The following TMEM232 variants were observed in gnomAD, a reference collection of about 807,000 sequenced individuals.
The protein encoded by TMEM232 is transmembrane protein 232.
TMEM232 carries 80 observed loss-of-function variants against 78.8 expected under a neutral mutation model. The observed-to-expected ratio is 1.01, with a 90% CI of 0.85 to 1.22. The LOEUF (loss-of-function observed/expected upper bound fraction) is 1.22. Among genes scored for constraint, TMEM232 ranks in the 50% most tolerant of loss-of-function variants. The pLI is 0.00. For missense variants in TMEM232, 881 were observed against 742.2 expected (o/e 1.19, Z -2.17); for synonymous variants, 297 against 254.3 (o/e 1.17, Z -1.60).
intron 12 of TMEM232, among the ~76,000 whole-genome samples, chr5:110,487,089 GT>G (rs1299141633): frequency 6.6e-6 from 1 of 151,882 alleles, no homozygotes; most frequent in Non-Finnish European, 1.5e-5. Flanking sequence ...AGAAGACTGA[GT>G]TCTTGATTTG....
intron 12 of TMEM232, among the ~76,000 whole-genome samples, chr5:110,523,479 T>A (rs1438678559): frequency 7.9e-5 from 12 of 152,086 alleles, no homozygotes; most frequent in Non-Finnish European, 1.8e-4. Flanking sequence ...TTAGGTTGTT[T>A]ATTTGAGATT....
At chr5:110,648,082 T>G (rs547080043) in intron 2 of TMEM232, among the ~76,000 whole-genome samples, 4 of 151,748 alleles carry the variant, frequency 2.6e-5, no homozygotes, top group African/African-American at 9.7e-5. Context: ...TCCCAATAAA[T>G]AGAAACATGG....
Position 110,627,809 on chromosome 5 carries a change from ATGT to A in TMEM232, c.570_572del (p.Gln190del). The A allele has an allele frequency of 5.2e-6, 8 of 1,531,416 alleles. No homozygotes were observed. The highest frequency in any genetic ancestry group is 4.9e-5 in the East Asian group (2 of 40,534). The allele number at this position is 1,531,416 out of a possible 1,614,324, so 94.9% of individuals were successfully genotyped here. The stretch of plus-strand genomic sequence containing the variant: ...ATAAATATGGTTGAAGCCTAAGTAA[ATGT>A]TGTTTAAAACTTTCTAGATGACCAT... On this transcript the variant is annotated inframe_deletion, in exon 6 of 14. Transcript: ENST00000455884.
At chr5:110,487,455 A>G (rs1174936763) in intron 12 of TMEM232, among the ~76,000 whole-genome samples, 1 of 152,018 alleles carries the variant, frequency 6.6e-6, no homozygotes, top group Admixed American at 6.6e-5. Flanking sequence ...TTTGTCATAG[A>G]TGGCTTTTAT....
chr5:110,633,608 A>G (rs1278398478), intron 5 of TMEM232, among the ~76,000 whole-genome samples: 1 of 152,108 alleles, frequency 6.6e-6, no homozygotes, highest in East Asian at 1.9e-4. Flanking sequence ...AGTCTTTGGA[A>G]GTTCACCCTT....
intron 12 of TMEM232, among the ~76,000 whole-genome samples, chr5:110,450,783 T>C (rs1039226378): frequency 2.6e-5 from 4 of 152,204 alleles, no homozygotes; most frequent in African/African-American, 9.6e-5. Flanking sequence ...AGAATCTTTA[T>C]TGTGTCTTTC....
chr5:110,475,445 ATTTTTTTTTT>A (rs61667699), intron 12 of TMEM232, among the ~76,000 whole-genome samples: 1 of 110,150 alleles, frequency 9.1e-6, no homozygotes, highest in Non-Finnish European at 1.8e-5. Flanking sequence ...TTATACTTTG[ATTTTTTTTTT>A]TTTTTTTTTT....
chr5:110,470,656 T>C (rs1012881870), intron 12 of TMEM232, among the ~76,000 whole-genome samples: 2 of 152,194 alleles, frequency 1.3e-5, no homozygotes, highest in Non-Finnish European at 2.9e-5. Context: ...TACCCAGTTA[T>C]TGCTGATGTT....
chr5:110,485,980 C>A (rs953165805), intron 12 of TMEM232, among the ~76,000 whole-genome samples: 9 of 151,846 alleles, frequency 5.9e-5, no homozygotes, highest in African/African-American at 2.2e-4. Context: ...CCAATATCTA[C>A]TGTTTTTCAA....
intron 1 of TMEM232, among the ~76,000 whole-genome samples, chr5:110,693,399 C>A (rs1209225161): frequency 6.6e-6 from 1 of 152,304 alleles, no homozygotes; most frequent in Non-Finnish European, 1.5e-5. Flanking sequence ...CAGAGTGCCT[C>A]TCCTCCTCCA....
rs986078825 is a variant in TMEM232, at chr5:110,606,237, T to C, written c.953A>G (p.Asn318Ser). The part of the protein sequence containing the change: ...LLVLGEAAKL[N>S]MACLKALMDV... ...CATTAAAGCTTTCAAGCAGGCCATG[T>C]TTAATTTGGCAGCCTCCCCAAGGAC... The change falls in exon 9 of 14, where the codon AAC becomes AGC. Residue 318 changes from asparagine (N) to serine (S), a missense_variant. Physicochemically the swap from Asn to Ser is conservative, Grantham distance 46. Transcript: ENST00000455884. The C allele has an allele frequency of 2.6e-6, 4 of 1,543,676 alleles. No homozygotes were observed. In the African/African-American group the frequency reaches 5.5e-5, roughly 21 times the overall value.
At chr5:110,448,434 A>G (rs1759901935) in intron 12 of TMEM232, among the ~76,000 whole-genome samples, 1 of 152,116 alleles carries the variant, frequency 6.6e-6, no homozygotes, top group South Asian at 2.1e-4. Context: ...ATGTCGTTCT[A>G]GAAACTAACA....
At chr5:110,567,434 G>T (rs1032461057) in intron 11 of TMEM232, among the ~76,000 whole-genome samples, 2 of 151,540 alleles carry the variant, frequency 1.3e-5, no homozygotes, top group African/African-American at 2.4e-5. Context: ...TGTGTATTGG[G>T]ATACAGCATT....
At chr5:110,410,850 A>G (rs1053369557) in intron 2 of TMEM232, among the ~76,000 whole-genome samples, 1 of 152,152 alleles carries the variant, frequency 6.6e-6, no homozygotes, top group Non-Finnish European at 1.5e-5. Flanking sequence ...CAGAAATCAA[A>G]TCCCAGGCAT....
chr5:110,412,162 C>T (rs955016170), intron 2 of TMEM232, among the ~76,000 whole-genome samples: 36 of 152,086 alleles, frequency 2.4e-4, no homozygotes, highest in Non-Finnish European at 7.4e-5. Context: ...GGTATTTGTT[C>T]ATCCTCCCCA....
intron 12 of TMEM232, among the ~76,000 whole-genome samples, chr5:110,508,930 T>TTA (rs200019203): frequency 0.017 from 2,377 of 137,892 alleles, 33 homozygotes; most frequent in Middle Eastern, 0.037. Context: ...ATATATATAA[T>TTA]TATATATATA....
Position 110,529,771 on chromosome 5 carries a change from T to G in TMEM232, c.1456-936A>C, listed in dbSNP as rs1037782587. Among the ~76,000 whole-genome samples the G allele has an allele frequency of 2.6e-5, 4 of 152,154 alleles. No homozygotes were observed. In the East Asian group the frequency reaches 7.7e-4, roughly 29 times the overall value. On this transcript the variant is annotated intron_variant, in intron 11 of 13. Transcript: ENST00000455884. ...TTTTCCTGTTTGATAATGTCCAGGA[T>G]TGCTTCTTCTTTACTTCTTTTAAAG...
At chr5:110,596,598 T>C (rs1780198790) in intron 10 of TMEM232, among the ~76,000 whole-genome samples, 3 of 152,182 alleles carry the variant, frequency 2.0e-5, no homozygotes, top group South Asian at 4.1e-4. Flanking sequence ...TGATGAACAT[T>C]CATGCAAAAA....
intron 1 of TMEM232, among the ~76,000 whole-genome samples, chr5:110,682,530 G>A (rs1469742786): frequency 2.6e-5 from 4 of 151,996 alleles, no homozygotes; most frequent in African/African-American, 9.7e-5. Context: ...CTTCCCAGGG[G>A]TAAATTCTGA....
Sources: gnomAD v4.1 joint callset for allele counts (sites outside exome capture counted in the v4.1 genomes callset) on GRCh38, gnomAD v4.1.1 for gene constraint, MANE v1.5 for transcripts, NCBI Gene and HGNC (gene_info 2026-07-23, HGNC 2026-07-21) for gene names.